The following STYXL1 variants were observed in gnomAD, a reference collection of about 807,000 sequenced individuals.
STYXL1 encodes the protein serine/threonine/tyrosine interacting like 1.
In STYXL1, 32 loss-of-function variants were observed where a neutral mutation model predicts 36.4. The observed-to-expected ratio is 0.88, with a 90% CI of 0.66 to 1.18. The LOEUF (loss-of-function observed/expected upper bound fraction) is 1.18. STYXL1 is among the 50% of genes most tolerant of loss of function. STYXL1 has a pLI of 0.00. For synonymous variants in STYXL1, 133 were observed against 144.1 expected, an observed-to-expected ratio of 0.92 and a Z score of 0.55; for missense variants, 354 against 394.1, an observed-to-expected ratio of 0.90 and a Z score of 0.86.
chr7:76,013,501 T>C (rs937734721), intron 5 of STYXL1, among the ~76,000 whole-genome samples: 32 of 151,814 alleles, frequency 2.1e-4, no homozygotes, highest in African/African-American at 7.5e-4. Context: ...CTTGGCTCAC[T>C]GCAACCTCTG....
rs1554563949 is a variant in STYXL1, at chr7:75,996,406, T to C, written c.*62A>G. 3 of 1,613,442 alleles carry C rather than the reference T, an allele frequency of 1.9e-6. No individual in the cohort carries two copies. Among genetic ancestry groups the C allele is most frequent in the African/African-American group, 1.3e-5 (1 of 75,018 alleles). Reference sequence around the variant, plus strand: ...AGCCTGGGTATACACACTCTGGCCCTCCACCCACAAAATGCCCCCAGGTGA... The same window carrying C: ...AGCCTGGGTATACACACTCTGGCCCCCCACCCACAAAATGCCCCCAGGTGA... On this transcript the variant is annotated 3_prime_UTR_variant, in exon 9 of 9. Transcript: ENST00000359697.
intron 4 of STYXL1, among the ~76,000 whole-genome samples, chr7:76,018,925 T>C (rs1793714884): frequency 6.6e-6 from 1 of 152,324 alleles, no homozygotes; most frequent in East Asian, 1.9e-4. Context: ...ACTGCACCAT[T>C]TTACTTTCTG....
intron 8 of STYXL1, chr7:76,000,438 A>G (rs1554566555): frequency 2.2e-6 from 1 of 456,760 alleles, no homozygotes; most frequent in Non-Finnish European, 4.4e-6. Context: ...GGCCCTCGAG[A>G]AAGGTGCTGT....
chr7:76,024,323 A>T (rs1246140830), intron 3 of STYXL1, among the ~76,000 whole-genome samples: 2 of 152,144 alleles, frequency 1.3e-5, no homozygotes, highest in Admixed American at 6.5e-5. Context: ...CTACCATATT[A>T]AAAGTACAAA....
chr7:76,000,862 G>C, intron 8 of STYXL1, 28 bp downstream of exon 8: 1 of 1,598,886 alleles, frequency 6.3e-7, no homozygotes, highest in Non-Finnish European at 8.6e-7. Flanking sequence ...GGTGGCCGTG[G>C]TGCGAGCCTG....
chr7:76,016,436 T>G (rs1793377379), intron 4 of STYXL1, among the ~76,000 whole-genome samples: 1 of 150,614 alleles, frequency 6.6e-6, no homozygotes, highest in African/African-American at 2.5e-5. Flanking sequence ...TATATACATA[T>G]ATACGCATAT....
chr7:75,997,744 C>G (rs1350730778), intron 8 of STYXL1, among the ~76,000 whole-genome samples: 2 of 152,146 alleles, frequency 1.3e-5, no homozygotes, highest in African/African-American at 4.8e-5. Flanking sequence ...CACACACACA[C>G]AGCTAATAAA....
At chr7:76,006,515 G>A (rs1355607679) in intron 5 of STYXL1, among the ~76,000 whole-genome samples, 3 of 152,116 alleles carry the variant, frequency 2.0e-5, no homozygotes, top group African/African-American at 7.2e-5. Flanking sequence ...TGTAATCCCA[G>A]CACTTTGGGA....
chr7:76,030,553 G>C (rs1554579003), intron 1 of STYXL1, 26 bp from the exon 2 acceptor site: 5 of 1,399,248 alleles, frequency 3.6e-6, no homozygotes, highest in Non-Finnish European at 5.1e-6. Context: ...AACACACAAG[G>C]GTAACATAAC....
intron 4 of STYXL1, among the ~76,000 whole-genome samples, chr7:76,016,290 A>G (rs959824317): frequency 5.9e-5 from 9 of 151,674 alleles, no homozygotes; most frequent in Non-Finnish European, 1.0e-4. Context: ...ATGTATATCT[A>G]TACATACATG....
intron 1 of STYXL1, among the ~76,000 whole-genome samples, chr7:76,035,054 C>T (rs1795786750): frequency 1.5e-5 from 2 of 131,750 alleles, no homozygotes; most frequent in African/African-American, 5.3e-5. Flanking sequence ...CCTTCTCAGT[C>T]TCAATCAACA....
At chr7:76,022,252 G>A (rs1353414939) in intron 3 of STYXL1, among the ~76,000 whole-genome samples, 2 of 152,156 alleles carry the variant, frequency 1.3e-5, no homozygotes, top group South Asian at 2.1e-4. Context: ...AAGAACAGCT[G>A]GTCTGCTGAC....
intron 4 of STYXL1, among the ~76,000 whole-genome samples, chr7:76,017,882 G>T (rs201952095): frequency 9.3e-5 from 2 of 21,498 alleles, no homozygotes; most frequent in Admixed American, 4.8e-4. Context: ...AAAAAAAAAA[G>T]GCAAGACAGA....
intron 1 of STYXL1, among the ~76,000 whole-genome samples, chr7:76,038,883 C>G (rs1361393082): frequency 1.3e-5 from 2 of 148,866 alleles, no homozygotes; most frequent in Admixed American, 1.3e-4. Flanking sequence ...AACTCCTGGG[C>G]TCAAGTGAGC....
intron 5 of STYXL1, among the ~76,000 whole-genome samples, chr7:76,013,408 G>GC (rs1554572792): frequency 2.0e-5 from 3 of 147,028 alleles, no homozygotes; most frequent in Non-Finnish European, 4.5e-5. Context: ...TCCAGATCTA[G>GC]TTTTTTTTTT....
intron 8 of STYXL1, among the ~76,000 whole-genome samples, chr7:75,997,246 A>G (rs1343879042): frequency 6.6e-6 from 1 of 152,198 alleles, no homozygotes; most frequent in African/African-American, 2.4e-5. Flanking sequence ...AGCCTGGCCA[A>G]TGTGGCGAAA....
intron 5 of STYXL1, among the ~76,000 whole-genome samples, chr7:76,011,869 C>A (rs781932221): frequency 2.0e-5 from 3 of 152,244 alleles, no homozygotes; most frequent in Admixed American, 6.5e-5. Flanking sequence ...CAGCCACTGC[C>A]TCCCCTACAG....
chr7:76,025,666 T>C (rs984053499), intron 3 of STYXL1, among the ~76,000 whole-genome samples: 1 of 152,056 alleles, frequency 6.6e-6, no homozygotes, highest in African/African-American at 2.4e-5. Flanking sequence ...GGCGGGTGCC[T>C]GTAACCCCAG....
At chr7:76,013,198 C>T (rs926802130) in intron 5 of STYXL1, among the ~76,000 whole-genome samples, 4 of 151,842 alleles carry the variant, frequency 2.6e-5, no homozygotes, top group Non-Finnish European at 5.9e-5. Context: ...TGCTGGTGGG[C>T]GCCTGTAGTC....
Sources: allele counts gnomAD v4.1 joint callset (sites outside exome capture counted in the v4.1 genomes callset), GRCh38; gene constraint gnomAD v4.1.1; transcripts MANE v1.5; gene names NCBI Gene and HGNC (gene_info 2026-07-23, HGNC 2026-07-21).